The following ST6GALNAC3 variants were observed in gnomAD, a reference collection of about 807,000 sequenced individuals.
ST6GALNAC3 encodes the protein alpha-N-acetylgalactosaminide alpha-2,6-sialyltransferase 3.
In ST6GALNAC3, 25 loss-of-function variants were observed where a neutral mutation model predicts 32.7. That is an observed-to-expected ratio of 0.76 (90% confidence interval 0.56 to 1.07). The LOEUF is 1.07. Among genes scored for constraint, ST6GALNAC3 ranks in the 50% least tolerant of loss-of-function variants. ST6GALNAC3 has a pLI of 0.00. For missense variants in ST6GALNAC3, 355 were observed against 382.4 expected, an observed-to-expected ratio of 0.93 and a Z score of 0.60; for synonymous variants, 129 against 133.1, an observed-to-expected ratio of 0.97 and a Z score of 0.21.
chr1:76,075,806 G>A (rs1193075121), intron 1 of ST6GALNAC3, among the ~76,000 whole-genome samples: 1 of 152,132 alleles, frequency 6.6e-6, no homozygotes, highest in Non-Finnish European at 1.5e-5. Context: ...CTTGACTGGA[G>A]AATGCAGAGA....
chr1:76,545,825 T>G (rs955466220), intron 3 of ST6GALNAC3, among the ~76,000 whole-genome samples: 1 of 151,912 alleles, frequency 6.6e-6, no homozygotes, highest in African/African-American at 2.4e-5. Flanking sequence ...TCCAGCTAAT[T>G]TTTTTGTATT....
At chr1:76,214,114 C>T (rs956234645) in intron 1 of ST6GALNAC3, among the ~76,000 whole-genome samples, 42 of 152,078 alleles carry the variant, frequency 2.8e-4, no homozygotes, top group Non-Finnish European at 4.0e-4. Context: ...AGATTCCTCC[C>T]TAGCCGCACA....
At chr1:76,369,361 A>G (rs149668997) in intron 2 of ST6GALNAC3, among the ~76,000 whole-genome samples, 2 of 152,312 alleles carry the variant, frequency 1.3e-5, no homozygotes, top group East Asian at 3.9e-4. Context: ...TGCAGGTAGA[A>G]CAACAACTAA....
At chr1:76,376,435 A>C (rs1651239045) in intron 2 of ST6GALNAC3, among the ~76,000 whole-genome samples, 1 of 152,024 alleles carries the variant, frequency 6.6e-6, no homozygotes, top group Non-Finnish European at 1.5e-5. Context: ...ATCTCATGCT[A>C]CCCCTTTATG....
At chr1:76,536,103 T>C (rs1245807833) in intron 3 of ST6GALNAC3, among the ~76,000 whole-genome samples, 2 of 152,158 alleles carry the variant, frequency 1.3e-5, no homozygotes, top group Non-Finnish European at 2.9e-5. Flanking sequence ...GGAGACTCCA[T>C]ATAAGCTAGA....
At chr1:76,504,189 T>C (rs965778768) in intron 3 of ST6GALNAC3, among the ~76,000 whole-genome samples, 10 of 152,128 alleles carry the variant, frequency 6.6e-5, no homozygotes, top group African/African-American at 2.2e-4. Flanking sequence ...TTCTCCTAAA[T>C]TCTATGGCTG....
At chr1:76,352,498 T>A (rs912610856) in intron 2 of ST6GALNAC3, among the ~76,000 whole-genome samples, 3 of 55,610 alleles carry the variant, frequency 5.4e-5, no homozygotes, top group African/African-American at 7.4e-5. Context: ...TTTGGTTTCC[T>A]TTTTTTTTTT....
chr1:76,507,263 T>A (rs774990120), intron 3 of ST6GALNAC3, among the ~76,000 whole-genome samples: 131 of 152,324 alleles, frequency 8.6e-4, no homozygotes, highest in Non-Finnish European at 1.1e-3. Flanking sequence ...TTTTCTTTTT[T>A]AAAATAAAAC....
At chr1:76,579,712 G>A (rs1222307222) in intron 3 of ST6GALNAC3, among the ~76,000 whole-genome samples, 1 of 151,916 alleles carries the variant, frequency 6.6e-6, no homozygotes, top group Non-Finnish European at 1.5e-5. Context: ...TTTGCTGATT[G>A]CATCCCCACG....
intron 1 of ST6GALNAC3, among the ~76,000 whole-genome samples, chr1:76,262,531 T>C (rs1658298183): frequency 1.3e-5 from 2 of 152,214 alleles, no homozygotes; most frequent in African/African-American, 4.8e-5. Context: ...ATCATCTAAG[T>C]AAGTGCTATG....
At chr1:76,221,139 G>A (rs180806064) in intron 1 of ST6GALNAC3, among the ~76,000 whole-genome samples, 5 of 152,260 alleles carry the variant, frequency 3.3e-5, no homozygotes, top group African/African-American at 1.2e-4. Context: ...TAGAAGTGAT[G>A]GGTGGAATGG....
At chr1:76,636,450 T>G (rs1649507108), downstream of ST6GALNAC3, among the ~76,000 whole-genome samples, 1 of 152,210 alleles carries the variant, frequency 6.6e-6, no homozygotes, top group Non-Finnish European at 1.5e-5. Context: ...GCATAAAATA[T>G]AATTGCTATT....
intron 1 of ST6GALNAC3, chr1:76,142,933 T>C: frequency 2.3e-6 from 1 of 440,352 alleles, no homozygotes; most frequent in Middle Eastern, 3.3e-4. Flanking sequence ...ATCTTTTATG[T>C]CTTTTATTTC....
At chr1:76,216,245 C>G (rs889743241) in intron 1 of ST6GALNAC3, among the ~76,000 whole-genome samples, 1 of 152,100 alleles carries the variant, frequency 6.6e-6, no homozygotes, top group African/African-American at 2.4e-5. Flanking sequence ...TAGTGTTTCT[C>G]TATCCCCATC....
At chr1:76,109,684 G>A (rs918952065) in intron 1 of ST6GALNAC3, among the ~76,000 whole-genome samples, 1 of 152,196 alleles carries the variant, frequency 6.6e-6, no homozygotes, top group African/African-American at 2.4e-5. Context: ...GCTTGCTCCT[G>A]GCATTGCCTG....
chr1:76,596,332 C>T (rs551611091), intron 3 of ST6GALNAC3, among the ~76,000 whole-genome samples: 12 of 151,976 alleles, frequency 7.9e-5, no homozygotes, highest in African/African-American at 1.5e-4. Flanking sequence ...AGTTGGTTTC[C>T]GAGGCCGAGA....
In ST6GALNAC3 at chr1:76,469,333, G is replaced by A. The variant is rs78422645; in HGVS notation, c.623+56916G>A. On this transcript the variant is annotated intron_variant, in intron 3 of 4. Transcript: ENST00000328299. ...ACGATATCTAATAGTACAGAACATA[G>A]CATTGCTCCAGGACCTAGCACAATG... Among the ~76,000 whole-genome samples, 691 of 152,076 alleles carry A rather than the reference G, an allele frequency of 4.5e-3. 2 individuals carry two copies. Among genetic ancestry groups the A allele is most frequent in the African/African-American group, 0.016 (664 of 41,516 alleles).
chr1:76,424,075 T>G (rs1257187274), intron 3 of ST6GALNAC3, among the ~76,000 whole-genome samples: 1 of 152,006 alleles, frequency 6.6e-6, no homozygotes, highest in African/African-American at 2.4e-5. Flanking sequence ...TCATGACATG[T>G]TCTATATTTC....
intron 1 of ST6GALNAC3, among the ~76,000 whole-genome samples, chr1:76,111,802 G>A (rs891427216): frequency 5.3e-5 from 8 of 151,324 alleles, no homozygotes; most frequent in Admixed American, 2.0e-4. Context: ...ATTTTTCTTA[G>A]TACAGAACAA....
Sources: allele counts gnomAD v4.1 joint callset (sites outside exome capture counted in the v4.1 genomes callset), GRCh38; gene constraint gnomAD v4.1.1; transcripts MANE v1.5; gene names NCBI Gene and HGNC (gene_info 2026-07-23, HGNC 2026-07-21).